Variants in RERE observed in about 807,000 individuals in gnomAD.
RERE encodes the protein arginine-glutamic acid dipeptide repeats.
In RERE, 40 loss-of-function variants were observed where a neutral mutation model predicts 146.1. The ratio of observed to expected loss-of-function variants is 0.27; its 90% CI spans 0.21 to 0.36. RERE has a LOEUF of 0.36. Among genes scored for constraint, RERE ranks in the 10% least tolerant of loss-of-function variants. The pLI is 1.00. For synonymous variants in RERE, 1,003 were observed against 866.0 expected (o/e 1.16, Z -2.78); for missense variants, 1,933 against 2,138.7 (o/e 0.90, Z 1.90).
chr1:8,789,271 C>G (rs1265552486), intron 1 of RERE, among the ~76,000 whole-genome samples: 1 of 65,100 alleles, frequency 1.5e-5, no homozygotes. Context: ...ACAGCAAGAC[C>G]TCCTCTCTAC....
intron 1 of RERE, among the ~76,000 whole-genome samples, chr1:8,806,095 G>A (rs1435059815): frequency 2.0e-5 from 3 of 151,838 alleles, no homozygotes; most frequent in South Asian, 2.1e-4. Flanking sequence ...CAGGCAATCC[G>A]CCCGTGTTGG....
chr1:8,808,363 T>C (rs969744604), intron 1 of RERE, among the ~76,000 whole-genome samples: 4 of 152,112 alleles, frequency 2.6e-5, no homozygotes, highest in South Asian at 2.1e-4. Flanking sequence ...AGTTCACCCA[T>C]TGTCTCCTGC....
chr1:8,547,609 A>T (rs190126139), intron 6 of RERE, among the ~76,000 whole-genome samples: 187 of 152,336 alleles, frequency 1.2e-3, no homozygotes, highest in African/African-American at 4.3e-3. Flanking sequence ...AGAGACAAAA[A>T]TATCCTTCAA....
At chr1:8,722,306 T>C (rs144053746) in intron 1 of RERE, among the ~76,000 whole-genome samples, 2 of 152,378 alleles carry the variant, frequency 1.3e-5, no homozygotes, top group African/African-American at 4.8e-5. Context: ...AACTCAATTC[T>C]GGTAACATCC....
At chr1:8,769,660 T>C (rs188497282) in intron 1 of RERE, among the ~76,000 whole-genome samples, 1 of 152,250 alleles carries the variant, frequency 6.6e-6, no homozygotes, top group African/African-American at 2.4e-5. Context: ...TATTATTTTA[T>C]TTTTGTAGAG....
At chr1:8,779,327 A>T (rs1464069015) in intron 1 of RERE, among the ~76,000 whole-genome samples, 1 of 148,882 alleles carries the variant, frequency 6.7e-6, no homozygotes, top group East Asian at 2.1e-4. Context: ...GGAGTTCGAG[A>T]CCAGCCTGGC....
intron 8 of RERE, among the ~76,000 whole-genome samples, chr1:8,501,036 G>GA (rs1645135333): frequency 7.7e-6 from 1 of 129,628 alleles, no homozygotes; most frequent in Non-Finnish European, 1.7e-5. Context: ...CCGGGAGGGG[G>GA]GGGGGGGGTC....
intron 12 of RERE, among the ~76,000 whole-genome samples, chr1:8,376,070 A>G (rs1377337809): frequency 6.6e-6 from 1 of 152,226 alleles, no homozygotes; most frequent in Non-Finnish European, 1.5e-5. Flanking sequence ...CTCAGTTTCA[A>G]TGAAGTCTAA....
intron 20 of RERE, among the ~76,000 whole-genome samples, 181 bp downstream of exon 20, chr1:8,358,012 CGAG>C (rs930016224): frequency 6.6e-6 from 1 of 152,224 alleles, no homozygotes; most frequent in African/African-American, 2.4e-5. Context: ...GCTGCGGGGC[CGAG>C]GAGAGACTGC....
chr1:8,466,158 T>C (rs1644593832), intron 10 of RERE, 135 bp from the exon 11 acceptor site: 3 of 692,084 alleles, frequency 4.3e-6, no homozygotes, highest in Non-Finnish European at 7.1e-6. Context: ...ATCATTTCAG[T>C]AGGCGCAGGA....
chr1:8,728,858 C>T (rs1054814759), intron 1 of RERE, among the ~76,000 whole-genome samples: 3 of 152,160 alleles, frequency 2.0e-5, no homozygotes, highest in Non-Finnish European at 4.4e-5. Flanking sequence ...CAAGAGACTG[C>T]ACCTGTTTTT....
chr1:8,785,496 T>A (rs1489397312), intron 1 of RERE, among the ~76,000 whole-genome samples: 1 of 152,262 alleles, frequency 6.6e-6, no homozygotes. Context: ...GGATTCACAA[T>A]GCAACCAAGT....
At chr1:8,756,665 T>C (rs1203303150) in intron 1 of RERE, among the ~76,000 whole-genome samples, 4 of 152,256 alleles carry the variant, frequency 2.6e-5, no homozygotes, top group African/African-American at 9.6e-5. Context: ...TACTACTATA[T>C]CTTTTTGAAA....
chr1:8,518,762 TC>T (rs1474995050), intron 7 of RERE, among the ~76,000 whole-genome samples: 1 of 152,188 alleles, frequency 6.6e-6, no homozygotes, highest in Non-Finnish European at 1.5e-5. Flanking sequence ...CTTTTTAAAA[TC>T]TAACATAGTA....
intron 11 of RERE, among the ~76,000 whole-genome samples, chr1:8,432,842 A>G (rs925214558): frequency 1.3e-5 from 2 of 152,198 alleles, no homozygotes; most frequent in African/African-American, 2.4e-5. Context: ...AGAAGAATGG[A>G]GAAGTAAATC....
In RERE at chr1:8,359,883, T is replaced by G; in HGVS notation, c.3499A>C (p.Ile1167Leu). 6.2e-7 allele frequency: 1 copy of G among 1,613,180 alleles called. No homozygotes were observed. The highest frequency in any genetic ancestry group is 1.6e-4 in the Middle Eastern group (1 of 6,062). Reference protein sequence around the residue: ...SKLAKKREEAIEKAKREAEQK... With the variant: ...SKLAKKREEALEKAKREAEQK... ...TCAGCCTCGCGCTTGGCCTTCTCAA[T>G]GGCCTCCTCCCTCTTCTTGGCCAGC... The change falls in exon 19 of 23, where the codon ATT becomes CTT. Residue 1167 changes from isoleucine (I) to leucine (L), a missense_variant. Physicochemically the swap from Ile to Leu is conservative, Grantham distance 5. Transcript: ENST00000400908.
intron 1 of RERE, among the ~76,000 whole-genome samples, chr1:8,733,197 G>T (rs1640128262): frequency 6.6e-6 from 1 of 152,130 alleles, no homozygotes; most frequent in Non-Finnish European, 1.5e-5. Context: ...GAGAGTGAGT[G>T]TTGGGAGTCA....
chr1:8,567,947 G>A (rs1233790825), intron 4 of RERE, among the ~76,000 whole-genome samples: 4 of 152,212 alleles, frequency 2.6e-5, no homozygotes, highest in African/African-American at 9.7e-5. Flanking sequence ...CAACCTGACT[G>A]TGGGGTTAAT....
chr1:8,435,664 T>C (rs753618146), intron 11 of RERE, among the ~76,000 whole-genome samples: 1 of 152,162 alleles, frequency 6.6e-6, no homozygotes, highest in Non-Finnish European at 1.5e-5. Flanking sequence ...AGGTCTCAAA[T>C]ATCAAATAAA....
Sources: gnomAD v4.1 joint callset for allele counts (sites outside exome capture counted in the v4.1 genomes callset) on GRCh38, gnomAD v4.1.1 for gene constraint, MANE v1.5 for transcripts, NCBI Gene and HGNC (gene_info 2026-07-23, HGNC 2026-07-21) for gene names.